Variants in FAM184A observed in about 807,000 individuals in gnomAD.
FAM184A encodes family with sequence similarity 184 member A.
Under a neutral mutation model 143.8 loss-of-function variants are expected in FAM184A, and 99 were observed. That is an observed-to-expected ratio of 0.69 (90% confidence interval 0.58 to 0.81). The LOEUF (loss-of-function observed/expected upper bound fraction) is 0.81, where lower values mean the gene tolerates loss of function less well. FAM184A is among the 40% of genes least tolerant of loss of function. The probability of loss-of-function intolerance (pLI) is 0.00; values close to 1 mark genes in which losing one functional copy is unlikely to be tolerated. For synonymous variants in FAM184A, 427 were observed against 446.4 expected, an observed-to-expected ratio of 0.96 and a Z score of 0.55; for missense variants, 1,217 against 1,310.5, an observed-to-expected ratio of 0.93 and a Z score of 1.10.
chr6:119,091,355 A>G (rs1023500558), intron 1 of FAM184A, among the ~76,000 whole-genome samples: 1 of 152,226 alleles, frequency 6.6e-6, no homozygotes, highest in Non-Finnish European at 1.5e-5. Flanking sequence ...GCTATTAGAT[A>G]CACGGCATTG....
At position 119,047,367 on chromosome 6, in the gene FAM184A, T is replaced by A. The variant is rs577188111; in HGVS notation, c.160-22554A>T. On this transcript the variant is annotated intron_variant, in intron 1 of 17. Transcript: ENST00000338891. ...ATTAAACTACTATATGATCCAGCAA[T>A]CCCACTGCTGGGTATGTACCCAAAA... Among the ~76,000 whole-genome samples the A allele has an allele frequency of 2.4e-4, 36 of 152,256 alleles. No homozygotes were observed. In the South Asian group the frequency reaches 7.3e-3, roughly 31 times the overall value.
intron 1 of FAM184A, among the ~76,000 whole-genome samples, chr6:119,041,684 C>T (rs1409625394): frequency 1.3e-5 from 2 of 152,078 alleles, no homozygotes; most frequent in South Asian, 2.1e-4. Flanking sequence ...TTGTCACCTT[C>T]GCAGACCCGC....
intron 4 of FAM184A, among the ~76,000 whole-genome samples, chr6:119,018,749 T>C (rs1487929909): frequency 1.3e-5 from 2 of 152,024 alleles, no homozygotes; most frequent in African/African-American, 4.8e-5. Context: ...TGCCTAAACC[T>C]CGGATCTATA....
intron 14 of FAM184A, 77 bp from the exon 15 acceptor site, chr6:118,967,029 G>A: frequency 1.5e-6 from 1 of 682,744 alleles, no homozygotes; most frequent in East Asian, 2.7e-5. Flanking sequence ...AAAAAAATTA[G>A]TCTAGTTGAA....
intron 1 of FAM184A, among the ~76,000 whole-genome samples, chr6:119,125,243 T>C (rs1789326648): frequency 6.6e-6 from 1 of 152,206 alleles, no homozygotes; most frequent in Non-Finnish European, 1.5e-5. Context: ...ACTGTCTGGA[T>C]CTCTTTCAGC....
At chr6:119,070,648 A>G (rs926332613) in intron 1 of FAM184A, among the ~76,000 whole-genome samples, 1 of 152,020 alleles carries the variant, frequency 6.6e-6, no homozygotes, top group Non-Finnish European at 1.5e-5. Flanking sequence ...TGGGATCTCA[A>G]TGTTGCTGTT....
At chr6:119,115,873 G>C (rs540622800) in intron 1 of FAM184A, among the ~76,000 whole-genome samples, 1 of 152,078 alleles carries the variant, frequency 6.6e-6, no homozygotes, top group Admixed American at 6.5e-5. Context: ...GGAGGCTGAG[G>C]CAGGAGAATC....
chr6:119,034,035 TATATATAGAGAGAGAGAGAGAGAG>T (rs1184082483), intron 1 of FAM184A, among the ~76,000 whole-genome samples: 1 of 34,260 alleles, frequency 2.9e-5, no homozygotes, highest in Non-Finnish European at 5.3e-5. Context: ...TATATATATA[TATATATAGAGAGAGAGAGAGAGAG>T]AGAGAGAGAG....
At chr6:118,969,757 C>T (rs1783616714) in intron 14 of FAM184A, among the ~76,000 whole-genome samples, 1 of 150,682 alleles carries the variant, frequency 6.6e-6, no homozygotes, top group Non-Finnish European at 1.5e-5. Context: ...ATCAACCCAT[C>T]ATCTACATTA....
At chr6:119,074,703 G>T (rs995300515) in intron 1 of FAM184A, among the ~76,000 whole-genome samples, 2 of 152,180 alleles carry the variant, frequency 1.3e-5, no homozygotes, top group Non-Finnish European at 2.9e-5. Flanking sequence ...TACAAATGTG[G>T]TCTTATAAAA....
At chr6:119,112,426 C>G (rs763744329) in intron 1 of FAM184A, among the ~76,000 whole-genome samples, 1 of 152,168 alleles carries the variant, frequency 6.6e-6, no homozygotes, top group African/African-American at 2.4e-5. Flanking sequence ...CCACGCCTAG[C>G]CTTGAATGAT....
chr6:119,148,729 A>G (rs1346872898), intron 1 of FAM184A, among the ~76,000 whole-genome samples: 1 of 152,138 alleles, frequency 6.6e-6, no homozygotes, highest in Non-Finnish European at 1.5e-5. Flanking sequence ...ACATGATGGC[A>G]CTATAAATCT....
At chr6:119,076,020 GTTC>G (rs1486534600) in intron 1 of FAM184A, among the ~76,000 whole-genome samples, 1 of 152,000 alleles carries the variant, frequency 6.6e-6, no homozygotes, top group African/African-American at 2.4e-5. Context: ...TATGTCAATG[GTTC>G]TTAATTGGAA....
At chr6:119,072,860 T>C (rs975141886) in intron 1 of FAM184A, among the ~76,000 whole-genome samples, 7 of 146,272 alleles carry the variant, frequency 4.8e-5, no homozygotes, top group Admixed American at 4.6e-4. Context: ...AAATGATCTA[T>C]CATTAACCCA....
rs562086983 is a variant in FAM184A at position 119,078,053 on chromosome 6, G to A, written c.159+88C>T. The A allele has an allele frequency of 1.2e-4, 172 of 1,440,040 alleles. No individual in the cohort carries two copies. In the African/African-American group the frequency reaches 1.9e-3, roughly 16 times the overall value. The allele number at this position is 1,440,040 out of a possible 1,614,324, so 89.2% of individuals were successfully genotyped here. ...AGGAGTAGAGTTCCCCTCGCTGCGGGCGCAGGGCGCACTGCCTCCCGGGGA... is the reference window on the plus strand; with the variant it reads ...AGGAGTAGAGTTCCCCTCGCTGCGGACGCAGGGCGCACTGCCTCCCGGGGA... On this transcript the variant is annotated intron_variant, in intron 1 of 17. Transcript: ENST00000338891. This position sits in a 1 kb window ranked among gnomAD's most constrained non-coding sequence, Gnocchi z 5.5.
intron 1 of FAM184A, among the ~76,000 whole-genome samples, chr6:119,120,827 C>CCTTT (rs1244564962): frequency 1.9e-4 from 21 of 113,242 alleles, no homozygotes; most frequent in Non-Finnish European, 2.6e-4. Context: ...TTTCTTTCTT[C>CCTTT]CTTTCTTTCT....
intron 1 of FAM184A, among the ~76,000 whole-genome samples, chr6:119,031,982 A>C (rs1785887125): frequency 6.6e-6 from 1 of 152,218 alleles, no homozygotes; most frequent in South Asian, 2.1e-4. Context: ...ATGTAAAGAA[A>C]TAAACCAGGC....
At chr6:118,999,042 G>A (rs1784662896) in intron 9 of FAM184A, among the ~76,000 whole-genome samples, 1 of 152,234 alleles carries the variant, frequency 6.6e-6, no homozygotes, top group Admixed American at 6.5e-5. Context: ...GATGGTGGTA[G>A]AGGTAGTAGG....
chr6:119,020,035 T>C lies in FAM184A; in HGVS notation c.1275A>G (p.Arg425=). 1 of 1,605,800 alleles carries C rather than the reference T, an allele frequency of 6.2e-7. No homozygotes were observed. Among genetic ancestry groups the C allele is most frequent in the East Asian group, 2.3e-5 (1 of 44,378 alleles). ...SQLEEERAFL[R]SKTQSLDEEQ... ...CTTCATCCAGACTTTGGGTTTTGCT[T>C]CGCAAAAAAGCTCTTTCCTCTTCAA... Residue 425 remains arginine, a synonymous_variant, in exon 4 of 18, where the codon CGA becomes CGG. Transcript: ENST00000338891.
Sources: allele counts gnomAD v4.1 joint callset (sites outside exome capture counted in the v4.1 genomes callset), GRCh38; gene constraint gnomAD v4.1.1; non-coding constraint Gnocchi (gnomAD v3.1); transcripts MANE v1.5; gene names NCBI Gene and HGNC (gene_info 2026-07-23, HGNC 2026-07-21).